FSTL5: variants seen among roughly 807,000 people sequenced by gnomAD.
FSTL5 encodes follistatin-related protein 5.
FSTL5 carries 62 observed loss-of-function variants against 89.1 expected under a neutral mutation model. That is an observed-to-expected ratio of 0.70 (90% CI 0.57 to 0.86). The LOEUF is 0.86. Among genes scored for constraint, FSTL5 ranks in the 40% least tolerant of loss-of-function variants. The pLI, the probability that FSTL5 is intolerant of heterozygous loss-of-function variation, is 0.00. For missense variants in FSTL5, 1,057 were observed against 1,001.6 expected (o/e 1.06, Z -0.75); for synonymous variants, 383 against 346.2 (o/e 1.11, Z -1.18).
At chr4:161,426,343 T>C (rs1026284479) in intron 15 of FSTL5, among the ~76,000 whole-genome samples, 1 of 152,166 alleles carries the variant, frequency 6.6e-6, no homozygotes, top group African/African-American at 2.4e-5. Flanking sequence ...GCTGTAATCA[T>C]AATAAGTCTT....
intron 15 of FSTL5, among the ~76,000 whole-genome samples, chr4:161,402,942 C>T (rs1016748549): frequency 2.6e-5 from 4 of 151,998 alleles, no homozygotes; most frequent in East Asian, 1.9e-4. Flanking sequence ...CTGCCTCAGC[C>T]GCCCGAGTAG....
intron 6 of FSTL5, among the ~76,000 whole-genome samples, chr4:161,682,966 C>T (rs1431907608): frequency 1.3e-5 from 2 of 152,014 alleles, no homozygotes; most frequent in East Asian, 1.9e-4. Context: ...AGGCTGTTCT[C>T]GAACTCCTGA....
intron 5 of FSTL5, among the ~76,000 whole-genome samples, chr4:161,764,526 T>C (rs1275342365): frequency 6.6e-6 from 1 of 152,204 alleles, no homozygotes; most frequent in Non-Finnish European, 1.5e-5. Flanking sequence ...CCCAAAGTGC[T>C]GGGATTACAG....
chr4:162,101,733 A>G (rs1464596730), intron 2 of FSTL5, among the ~76,000 whole-genome samples: 5 of 152,220 alleles, frequency 3.3e-5, no homozygotes, highest in Admixed American at 2.0e-4. Flanking sequence ...AGGGTTTTTA[A>G]TCTCCTAAAC....
intron 3 of FSTL5, among the ~76,000 whole-genome samples, chr4:161,931,386 T>C (rs78394582): frequency 0.02 from 3,015 of 151,794 alleles, 100 homozygotes; most frequent in African/African-American, 0.067. Flanking sequence ...TGGAGCAATA[T>C]AGTATAAGTT....
intron 1 of FSTL5, among the ~76,000 whole-genome samples, chr4:162,156,615 C>T (rs180885776): frequency 7.2e-5 from 11 of 152,280 alleles, no homozygotes; most frequent in East Asian, 1.9e-4. Context: ...AGCTGGAGAC[C>T]ATTATCCTAA....
chr4:161,557,113 A>T (rs994101442), intron 8 of FSTL5, among the ~76,000 whole-genome samples: 2 of 151,376 alleles, frequency 1.3e-5, no homozygotes, highest in Non-Finnish European at 3.0e-5. Context: ...AGCACTCTTA[A>T]ATAAAGCAAT....
intron 3 of FSTL5, among the ~76,000 whole-genome samples, chr4:161,927,942 C>A (rs1044202633): frequency 1.3e-5 from 2 of 151,600 alleles, no homozygotes; most frequent in Non-Finnish European, 3.0e-5. Flanking sequence ...AAACACACAA[C>A]CTTCCCCACC....
At chr4:161,907,867 A>T (rs1459765244) in intron 4 of FSTL5, among the ~76,000 whole-genome samples, 1 of 152,030 alleles carries the variant, frequency 6.6e-6, no homozygotes, top group Non-Finnish European at 1.5e-5. Context: ...TGTTTTCTTA[A>T]CTACCACATT....
At chr4:161,796,031 G>A (rs1022967298) in intron 4 of FSTL5, among the ~76,000 whole-genome samples, 20 of 151,598 alleles carry the variant, frequency 1.3e-4, no homozygotes, top group African/African-American at 4.6e-4. Context: ...TTTTTCATTC[G>A]AAAATCAATT....
At chr4:162,148,522 G>A (rs954400919) in intron 1 of FSTL5, among the ~76,000 whole-genome samples, 1 of 151,838 alleles carries the variant, frequency 6.6e-6, no homozygotes, top group Non-Finnish European at 1.5e-5. Context: ...ATATTAATAG[G>A]TCTAAAAACA....
chr4:161,861,409 C>T (rs559737579), intron 4 of FSTL5, among the ~76,000 whole-genome samples: 55 of 150,760 alleles, frequency 3.6e-4, no homozygotes, highest in African/African-American at 1.3e-3. Flanking sequence ...GAGTGAGACT[C>T]CGTCTTCAAA....
At position 161,775,895 on chromosome 4, in the gene FSTL5, T is replaced by C. The variant is rs373181331; in HGVS notation, c.589A>G (p.Ile197Val). ...FDADSNGLVD[I>V]NELTQVIKQE... is the part of the protein sequence containing the mutation. ...AATCATACCTGAGTTAGTTCATTAA[T>C]ATCTACAAGTCCATTACTGTCTGCA... is the stretch of plus-strand genomic sequence containing the variant. Residue 197 changes from isoleucine (I) to valine (V), a missense_variant, in exon 5 of 16, where the codon ATT becomes GTT. Around this residue, in one of 3 missense-constraint regions of FSTL5, gnomAD observed 980 missense variants for 903.2 expected, o/e 1.08. Coordinates refer to ENST00000306100, the MANE Select transcript of FSTL5 (RefSeq NM_020116.5). The C allele has an allele frequency of 4.1e-5, 64 of 1,546,328 alleles. No homozygotes were observed. The highest frequency in any genetic ancestry group is 5.1e-5 in the Non-Finnish European group (59 of 1,145,664).
intron 7 of FSTL5, among the ~76,000 whole-genome samples, chr4:161,611,249 T>C (rs1238261892): frequency 3.4e-5 from 5 of 145,632 alleles, no homozygotes; most frequent in East Asian, 3.9e-4. Flanking sequence ...TATATATATA[T>C]ATATATATAT....
chr4:161,832,183 G>C lies in FSTL5; in HGVS notation c.410-56109C>G, dbSNP rs886083327. Among the ~76,000 whole-genome samples, 10 of 152,012 alleles carry C rather than the reference G, an allele frequency of 6.6e-5. No individual in the cohort carries two copies. In the East Asian group the frequency reaches 1.9e-3, roughly 29 times the overall value. ...ACCCTTCAAATGAACAATGACTAAC[G>C]AAGTTCCCAGGGAAAGGACAGGGGA... On this transcript the variant is annotated intron_variant, in intron 4 of 15. Transcript: ENST00000306100.
At chr4:161,585,375 A>T (rs577314765) in intron 8 of FSTL5, among the ~76,000 whole-genome samples, 1 of 152,244 alleles carries the variant, frequency 6.6e-6, no homozygotes, top group East Asian at 1.9e-4. Context: ...TCAAGTCAGA[A>T]TTCCTGAGAG....
At chr4:161,538,034 T>C (rs544620295) in intron 10 of FSTL5, 132 bp downstream of exon 10, 3 of 788,526 alleles carry the variant, frequency 3.8e-6, no homozygotes, top group East Asian at 2.5e-5. Context: ...CTATCCTTCC[T>C]ACGTATAAAA....
chr4:161,505,367 A>C (rs1205391748), intron 11 of FSTL5, among the ~76,000 whole-genome samples: 1 of 152,168 alleles, frequency 6.6e-6, no homozygotes, highest in Admixed American at 6.5e-5. Context: ...CTAGAACAAG[A>C]CTTGCTTATC....
intron 8 of FSTL5, among the ~76,000 whole-genome samples, chr4:161,582,241 AC>A (rs1166911611): frequency 6.6e-6 from 1 of 152,210 alleles, no homozygotes; most frequent in Non-Finnish European, 1.5e-5. Flanking sequence ...TTATGAATTG[AC>A]AAATTGTTAA....
Sources: allele counts gnomAD v4.1 joint callset (sites outside exome capture counted in the v4.1 genomes callset), GRCh38; gene constraint gnomAD v4.1.1; regional missense constraint gnomAD v4.1.1; transcripts MANE v1.5; gene names NCBI Gene and HGNC (gene_info 2026-07-23, HGNC 2026-07-21).